Variants in NCEH1 observed in about 807,000 individuals in gnomAD.
NCEH1 encodes neutral cholesterol ester hydrolase 1.
Under a neutral mutation model 25.4 loss-of-function variants are expected in NCEH1, and 9 were observed. The observed-to-expected ratio is 0.35, with a 90% CI of 0.21 to 0.62. The LOEUF (loss-of-function observed/expected upper bound fraction) is 0.62. NCEH1 is among the 20% of genes least tolerant of loss of function. NCEH1 has a pLI of 0.72. For synonymous variants in NCEH1, 200 were observed against 199.8 expected (o/e 1.00, Z -0.01); for missense variants, 412 against 501.1 (o/e 0.82, Z 1.70).
At chr3:172,641,156 T>C (rs1476265603) in intron 3 of NCEH1, among the ~76,000 whole-genome samples, 2 of 152,214 alleles carry the variant, frequency 1.3e-5, no homozygotes, top group African/African-American at 4.8e-5. Context: ...CTATTATAGT[T>C]AAACTGCACT....
At chr3:172,681,279 T>C (rs1407206243) in intron 1 of NCEH1, 2 of 151,928 alleles carry the variant, frequency 1.3e-5, no homozygotes, top group East Asian at 3.9e-4. Flanking sequence ...ACTAAAGCGT[T>C]TAAAAAAAAT....
chr3:172,709,790 CTCTT>C (rs1237603347), intron 1 of NCEH1, among the ~76,000 whole-genome samples: 1 of 151,950 alleles, frequency 6.6e-6, no homozygotes, highest in African/African-American at 2.4e-5. Flanking sequence ...GATTTTTTTT[CTCTT>C]TCTCTAGTTG....
intron 1 of NCEH1, among the ~76,000 whole-genome samples, chr3:172,694,398 G>GTGTC (rs1553839179): frequency 6.6e-4 from 96 of 146,430 alleles, no homozygotes; most frequent in African/African-American, 2.3e-3. Context: ...GTGTGTCTGT[G>GTGTC]TGTGTGTGTG....
intron 1 of NCEH1, among the ~76,000 whole-genome samples, chr3:172,675,327 A>AATTAATTAATTAATTAATT (rs1553835603): frequency 2.5e-4 from 37 of 148,950 alleles, no homozygotes; most frequent in African/African-American, 9.2e-4. Context: ...ATAAATAAAT[A>AATTAATTAATTAATTAATT]AATAAATAAA....
chr3:172,648,478 T>C (rs546100705), intron 1 of NCEH1, among the ~76,000 whole-genome samples: 112 of 152,162 alleles, frequency 7.4e-4, no homozygotes, highest in Non-Finnish European at 1.2e-3. Context: ...TCCAATAACA[T>C]ACTAGGAGTA....
Position 172,647,891 on chromosome 3 carries a change from C to T in NCEH1, c.362G>A (p.Ser121Asn). Residue 121 changes from serine (S) to asparagine (N), a missense_variant, in exon 2 of 5, where the codon AGT becomes AAT. Around this residue, in one of 3 missense-constraint regions of NCEH1, gnomAD observed 178 missense variants for 189.2 expected, o/e 0.94. Coordinates refer to ENST00000475381, the MANE Select transcript of NCEH1 (RefSeq NM_020792.6). ...TGAAGGTGACCAGGACGCACTTGCA[C>T]TTGCCAAGGCCCAGCCTCCTCCGTG... ...YIHGGGWALA[S>N]AKIRYYDELC... 3 of 1,614,202 alleles carry T rather than the reference C, an allele frequency of 1.9e-6. No homozygotes were observed. Among genetic ancestry groups the T allele is most frequent in the Non-Finnish European group, 2.5e-6 (3 of 1,180,034 alleles).
At chr3:172,653,755 T>G (rs1560186512) in intron 1 of NCEH1, among the ~76,000 whole-genome samples, 2 of 62,502 alleles carry the variant, frequency 3.2e-5, no homozygotes, top group African/African-American at 1.4e-4. Flanking sequence ...TTTTTTTGTT[T>G]TTTTGTTTTT....
intron 1 of NCEH1, among the ~76,000 whole-genome samples, chr3:172,705,737 C>G (rs1713943434): frequency 6.6e-6 from 1 of 152,204 alleles, no homozygotes; most frequent in African/African-American, 2.4e-5. Context: ...TGGCTCACGC[C>G]TGTAATCCCA....
intron 1 of NCEH1, among the ~76,000 whole-genome samples, chr3:172,679,078 G>A (rs892163033): frequency 6.6e-6 from 1 of 152,116 alleles, no homozygotes; most frequent in African/African-American, 2.4e-5. Context: ...TGTCCCGACT[G>A]GCTAGCAACT....
In NCEH1 at chr3:172,645,551, A is replaced by G. The variant is rs1258540372; in HGVS notation, c.437+72T>C. ...TATTTTTTACTTTATCACTTGTAAA[A>G]CAAAGTAACCAGACTGTTATCTAGA... On this transcript the variant is annotated intron_variant, in intron 3 of 4. Transcript: ENST00000475381. 21 of 959,422 alleles carry G rather than the reference A, an allele frequency of 2.2e-5. No homozygotes were observed. In the East Asian group the frequency reaches 5.0e-4, roughly 23 times the overall value. 59.4% of individuals were successfully genotyped at this position (959,422 alleles called of 1,614,324 possible). A position where few individuals can be genotyped will look rare whatever the true frequency, so the allele number is the denominator to read the frequency against.
At chr3:172,687,379 T>C (rs1292734805) in intron 1 of NCEH1, among the ~76,000 whole-genome samples, 2 of 152,214 alleles carry the variant, frequency 1.3e-5, no homozygotes, top group Non-Finnish European at 1.5e-5. Flanking sequence ...TAGGCTTATG[T>C]TCCTGATTAT....
intron 1 of NCEH1, among the ~76,000 whole-genome samples, chr3:172,653,280 C>T (rs1385343012): frequency 6.6e-6 from 1 of 152,078 alleles, no homozygotes; most frequent in East Asian, 1.9e-4. Context: ...GGTCTGATGG[C>T]TGAAGATCAA....
rs778808842 is a variant in NCEH1, at chr3:172,645,741, T to C, written c.368-49A>G. The C allele has an allele frequency of 9.8e-6, 11 of 1,125,574 alleles. No individual in the cohort carries two copies. In the East Asian group the frequency reaches 2.5e-4, roughly 26 times the overall value. 69.7% of individuals were successfully genotyped at this position (1,125,574 alleles called of 1,614,324 possible). A position where few individuals can be genotyped will look rare whatever the true frequency, so the allele number is the denominator to read the frequency against. On this transcript the variant is annotated intron_variant, in intron 2 of 4. Transcript: ENST00000475381. ...CATTACAAAACAGGTCATTTAATAC[T>C]GTCCACTCATAAATTCTGCTAAGTG...
chr3:172,649,421 A>G (rs1451425136), intron 1 of NCEH1, among the ~76,000 whole-genome samples: 1 of 152,236 alleles, frequency 6.6e-6, no homozygotes, highest in Non-Finnish European at 1.5e-5. Context: ...TATAAGCAGC[A>G]GCAGAGCAAA....
At chr3:172,682,434 T>TG (rs1203698327) in intron 1 of NCEH1, among the ~76,000 whole-genome samples, 3 of 152,112 alleles carry the variant, frequency 2.0e-5, no homozygotes, top group Non-Finnish European at 4.4e-5. Flanking sequence ...GTCCTGGGTC[T>TG]GGGGGGGTAA....
intron 1 of NCEH1, among the ~76,000 whole-genome samples, chr3:172,694,659 C>T (rs989838661): frequency 3.3e-5 from 5 of 152,202 alleles, no homozygotes; most frequent in Non-Finnish European, 5.9e-5. Context: ...TTGTGGGGCC[C>T]TGACAGGCCC....
At chr3:172,656,877 C>T (rs1717722220) in intron 1 of NCEH1, among the ~76,000 whole-genome samples, 1 of 152,152 alleles carries the variant, frequency 6.6e-6, no homozygotes, top group Non-Finnish European at 1.5e-5. Flanking sequence ...ACCAATGAAC[C>T]CCTGACCCCA....
intron 1 of NCEH1, among the ~76,000 whole-genome samples, chr3:172,687,644 C>T (rs1434726912): frequency 2.6e-5 from 4 of 152,246 alleles, no homozygotes; most frequent in East Asian, 3.9e-4. Flanking sequence ...AAACAATGCC[C>T]TCAGAAAGCA....
intron 2 of NCEH1, among the ~76,000 whole-genome samples, chr3:172,647,525 G>A (rs1232453871): frequency 6.6e-6 from 1 of 152,172 alleles, no homozygotes; most frequent in African/African-American, 2.4e-5. Context: ...ATGCGTGCCT[G>A]GTGAAACTTC....
Sources: allele counts gnomAD v4.1 joint callset (sites outside exome capture counted in the v4.1 genomes callset), GRCh38; gene constraint gnomAD v4.1.1; regional missense constraint gnomAD v4.1.1; transcripts MANE v1.5; gene names NCBI Gene and HGNC (gene_info 2026-07-23, HGNC 2026-07-21).